The following MGST2 variants were observed in gnomAD, a reference collection of about 807,000 sequenced individuals.
MGST2 encodes the protein microsomal glutathione S-transferase 2, also known as glutathione peroxidase MGST2.
A neutral mutation model predicts 16.6 loss-of-function variants in MGST2; 9 were observed. The ratio of observed to expected loss-of-function variants is 0.54; its 90% confidence interval spans 0.33 to 0.95. The LOEUF (loss-of-function observed/expected upper bound fraction) is 0.95. Ranked by LOEUF, MGST2 falls within the 40% of genes least tolerant of loss-of-function variation. MGST2 has a pLI of 0.03. For missense variants in MGST2, 159 were observed against 175.1 expected, an observed-to-expected ratio of 0.91 and a Z score of 0.52; for synonymous variants, 79 against 68.0, an observed-to-expected ratio of 1.16 and a Z score of -0.79.
At chr4:139,725,691 A>G in intron 5 of MGST2, 1 of 1,507,328 alleles carries the variant, frequency 6.6e-7, no homozygotes, top group Non-Finnish European at 9.2e-7. Context: ...CTCTGGCTAC[A>G]CATTCACTTA....
At position 139,698,347 on chromosome 4, in the gene MGST2, G is replaced by T. The variant is rs532349854; in HGVS notation, c.229+3080G>T. 3.8e-5 allele frequency: 60 copies of T among 1,593,124 alleles called. No homozygotes were observed. The South Asian group carries it at 6.2e-4, about 16-fold the overall frequency. On this transcript the variant is annotated intron_variant, in intron 3 of 4. Coordinates refer to ENST00000265498, the MANE Select transcript of MGST2 (RefSeq NM_002413.5). ...TCCTGAGCAATTTCTCGCACCAGAC[G>T]CTGGAAGGGAAGTTTGCGAACCAGA...
intron 5 of MGST2, among the ~76,000 whole-genome samples, chr4:139,734,148 A>T (rs565495802): frequency 6.6e-4 from 100 of 152,368 alleles, no homozygotes; most frequent in African/African-American, 2.2e-3. Context: ...TGACTTACAC[A>T]TTAAGCTGGC....
chr4:139,712,105 A>G (rs1727764773), intron 5 of MGST2, among the ~76,000 whole-genome samples: 1 of 150,426 alleles, frequency 6.6e-6, no homozygotes, highest in South Asian at 2.1e-4. Flanking sequence ...ATTCCACAAG[A>G]GTAAAGCAAA....
At chr4:139,725,843 A>G (rs1437852847) in intron 5 of MGST2, 2 of 1,613,102 alleles carry the variant, frequency 1.2e-6, no homozygotes, top group Non-Finnish European at 1.7e-6. Flanking sequence ...CTGCTAGAAC[A>G]ACAGAACACA....
rs80348976 is a variant in MGST2 at position 139,719,111 on chromosome 4, C to T, written c.*48+14915C>T. ...TCTCTCGCAGCCGGGATCTGCATGG[C>T]GTCTCATCTCGATTGCTGTGTGAAA... On this transcript the variant is annotated intron_variant, in intron 5 of 5. Coordinates refer to the MGST2 transcript ENST00000616265. 3.7e-4 allele frequency: 207 copies of T among 554,210 alleles called. 1 individual carries two copies. In the East Asian group the frequency reaches 5.8e-3, roughly 15 times the overall value. The allele number at this position is 554,210 out of a possible 1,614,324, so 34.3% of individuals were successfully genotyped here.
chr4:139,698,294 G>C (rs1209319277), intron 3 of MGST2: 4 of 1,264,370 alleles, frequency 3.2e-6, no homozygotes, highest in East Asian at 2.4e-5. Flanking sequence ...CGATAGCTGC[G>C]CTCTGGAAGC....
In MGST2 at chr4:139,670,259, G is replaced by A. The variant is rs1319094148; in HGVS notation, c.58+4182G>A. 9.2e-5 allele frequency among the ~76,000 whole-genome samples: 11 copies of A among 119,940 alleles called. 2 individuals carry two copies. The highest frequency in any genetic ancestry group is 1.8e-4 in the Admixed American group (2 of 11,366). 78.7% of individuals were successfully genotyped at this position (119,940 alleles called of 152,430 possible). A position where few individuals can be genotyped will look rare whatever the true frequency, so the allele number is the denominator to read the frequency against. ...ATTCTGATTTCCTTCGGTGGGGGGC[G>A]GGGGGGGGGCGGTTAACAGAAATAC... On this transcript the variant is annotated intron_variant, in intron 1 of 4. Coordinates refer to ENST00000265498, the MANE Select transcript of MGST2 (RefSeq NM_002413.5).
chr4:139,738,110 G>A (rs1729015974), intron 5 of MGST2, among the ~76,000 whole-genome samples: 1 of 152,252 alleles, frequency 6.6e-6, no homozygotes, highest in Non-Finnish European at 1.5e-5. Flanking sequence ...CATGGGCCCA[G>A]TGACTGGCAC....
At chr4:139,678,689 A>C in intron 2 of MGST2, 47 bp downstream of exon 2, 1 of 1,424,300 alleles carries the variant, frequency 7.0e-7, no homozygotes. Context: ...CCTGCCATAC[A>C]GACACAATTC....
chr4:139,721,944 A>T (rs1421508904), intron 5 of MGST2, among the ~76,000 whole-genome samples: 1 of 152,192 alleles, frequency 6.6e-6, no homozygotes, highest in Non-Finnish European at 1.5e-5. Flanking sequence ...GAAATGGGTT[A>T]TTGAGTTGTT....
intron 1 of MGST2, among the ~76,000 whole-genome samples, chr4:139,674,702 A>T (rs1453468917): frequency 6.6e-6 from 1 of 151,916 alleles, no homozygotes; most frequent in Non-Finnish European, 1.5e-5. Flanking sequence ...AATTGCTTGA[A>T]CCCAGGAGGT....
intron 2 of MGST2, among the ~76,000 whole-genome samples, chr4:139,692,904 G>T (rs1317190809): frequency 6.6e-6 from 1 of 152,184 alleles, no homozygotes; most frequent in Admixed American, 6.5e-5. Context: ...CAGATGCCAA[G>T]CCAAGGCCAC....
chr4:139,749,885 AC>A, the MGST2 span, among the ~76,000 whole-genome samples: 1,633 of 128,184 alleles, frequency 0.013, 48 homozygotes, highest in African/African-American at 0.047. Context: ...ATGAATAAGA[AC>A]CCCCCCCCAC....
chr4:139,678,303 G>T (rs772833146), intron 1 of MGST2, among the ~76,000 whole-genome samples: 9 of 152,138 alleles, frequency 5.9e-5, no homozygotes, highest in Non-Finnish European at 8.8e-5. Context: ...CTAACTAAAA[G>T]ACTCCCTTCC....
the MGST2 span, among the ~76,000 whole-genome samples, chr4:139,750,553 A>T: frequency 6.6e-6 from 1 of 152,228 alleles, no homozygotes. Context: ...GCTGTATCTG[A>T]ACCATATTAC....
intron 5 of MGST2, among the ~76,000 whole-genome samples, chr4:139,721,214 C>T (rs1054228524): frequency 6.6e-6 from 1 of 152,076 alleles, no homozygotes; most frequent in African/African-American, 2.4e-5. Flanking sequence ...GTGTCCATAC[C>T]AAGTCATTCA....
rs60786441 is a variant in MGST2, at chr4:139,691,681, TGA to T, written c.159-3515_159-3514del. On this transcript the variant is annotated intron_variant, in intron 2 of 4. Transcript: ENST00000265498. The stretch of plus-strand genomic sequence containing the variant: ...ACTGGCAGTCAGATGATGATGATGA[TGA>T]TGATGATGATGATGATTATTATTAT... 7.5e-3 allele frequency among the ~76,000 whole-genome samples: 1,033 copies of T among 138,474 alleles called. 13 individuals carry two copies. Among genetic ancestry groups the T allele is most frequent in the East Asian group, 0.05 (251 of 5,060 alleles). The allele number at this position is 138,474 out of a possible 152,430, so 90.8% of individuals were successfully genotyped here. A position where few individuals can be genotyped will look rare whatever the true frequency, so the allele number is the denominator to read the frequency against.
intron 2 of MGST2, among the ~76,000 whole-genome samples, chr4:139,691,678 TGATGATG>T (rs879293822): frequency 0.018 from 2,620 of 142,744 alleles, 30 homozygotes; most frequent in Non-Finnish European, 0.024. Context: ...ATGATGATGA[TGATGATG>T]ATGATGATGA....
At chr4:139,700,883 A>G (rs1727213667) in intron 3 of MGST2, among the ~76,000 whole-genome samples, 1 of 152,124 alleles carries the variant, frequency 6.6e-6, no homozygotes, top group African/African-American at 2.4e-5. Flanking sequence ...TTTGGTCTAT[A>G]CTTGATTGCC....
Sources: allele counts gnomAD v4.1 joint callset (sites outside exome capture counted in the v4.1 genomes callset), GRCh38; gene constraint gnomAD v4.1.1; transcripts MANE v1.5; gene names NCBI Gene and HGNC (gene_info 2026-07-23, HGNC 2026-07-21).